Variants in LPP observed in about 807,000 individuals in gnomAD.
LPP encodes the protein lipoma-preferred partner.
Under a neutral mutation model 60.4 loss-of-function variants are expected in LPP, and 38 were observed. The ratio of observed to expected loss-of-function variants is 0.63; its 90% CI spans 0.49 to 0.83. The LOEUF is 0.83. Ranked by LOEUF, LPP falls within the 40% of genes least tolerant of loss-of-function variation. LPP has a pLI of 0.00. For missense variants in LPP, 902 were observed against 783.6 expected (o/e 1.15, Z -1.80); for synonymous variants, 328 against 290.8 (o/e 1.13, Z -1.30).
intron 3 of LPP, among the ~76,000 whole-genome samples, chr3:188,382,998 AG>A (rs1194648544): frequency 5.3e-5 from 8 of 152,212 alleles, no homozygotes; most frequent in African/African-American, 1.9e-4. Flanking sequence ...CTCATAGAAA[AG>A]TAAGGCCGAG....
intron 4 of LPP, among the ~76,000 whole-genome samples, chr3:188,418,176 A>G (rs553983267): frequency 6.6e-6 from 1 of 152,312 alleles, no homozygotes; most frequent in Admixed American, 6.5e-5. Context: ...TGTGATTCAG[A>G]GACCCAAGGT....
At chr3:188,186,793 C>G (rs1353404507) in intron 1 of LPP, among the ~76,000 whole-genome samples, 1 of 141,900 alleles carries the variant, frequency 7.0e-6, no homozygotes, top group Non-Finnish European at 1.5e-5. Flanking sequence ...TAATATGCTT[C>G]TGTCTCATGC....
At chr3:188,189,326 G>A (rs547201676) in intron 1 of LPP, among the ~76,000 whole-genome samples, 6 of 152,258 alleles carry the variant, frequency 3.9e-5, no homozygotes, top group African/African-American at 1.4e-4. Flanking sequence ...GAGCTCAAGT[G>A]AGCCTCCTAC....
chr3:188,655,101 A>G (rs1439600638), intron 7 of LPP, among the ~76,000 whole-genome samples: 1 of 152,232 alleles, frequency 6.6e-6, no homozygotes, highest in Non-Finnish European at 1.5e-5. Context: ...AGAAGATACA[A>G]AATGAACTGT....
At chr3:188,226,795 A>G (rs1409890529) in intron 2 of LPP, among the ~76,000 whole-genome samples, 1 of 152,230 alleles carries the variant, frequency 6.6e-6, no homozygotes, top group Non-Finnish European at 1.5e-5. Flanking sequence ...TTCATTTAAA[A>G]GTGTGACTGA....
chr3:188,655,194 T>TTGAACATGG (rs1408739581), intron 7 of LPP, among the ~76,000 whole-genome samples: 3 of 152,192 alleles, frequency 2.0e-5, no homozygotes, highest in Non-Finnish European at 4.4e-5. Flanking sequence ...TTCCATGTTC[T>TTGAACATGG]AGTCACTTGA....
intron 6 of LPP, among the ~76,000 whole-genome samples, chr3:188,596,541 A>G (rs957976324): frequency 1.3e-5 from 2 of 152,130 alleles, no homozygotes; most frequent in Non-Finnish European, 2.9e-5. Flanking sequence ...TATACAATCT[A>G]CAGTGTAACT....
intron 9 of LPP, among the ~76,000 whole-genome samples, chr3:188,839,082 T>C (rs1759251081): frequency 6.6e-6 from 1 of 152,170 alleles, no homozygotes; most frequent in Non-Finnish European, 1.5e-5. Flanking sequence ...CAGTGCTATC[T>C]TTCACACTTC....
At chr3:188,189,277 A>G (rs1295456654) in intron 1 of LPP, among the ~76,000 whole-genome samples, 1 of 152,130 alleles carries the variant, frequency 6.6e-6, no homozygotes, top group Non-Finnish European at 1.5e-5. Flanking sequence ...TAATAGTGAC[A>G]GGGTTTCACC....
chr3:188,771,549 C>CAAAAAAAAAAAA (rs66712771), intron 9 of LPP, among the ~76,000 whole-genome samples: 11 of 108,906 alleles, frequency 1.0e-4, no homozygotes, highest in Non-Finnish European at 1.2e-4. Flanking sequence ...GACTCCATCT[C>CAAAAAAAAAAAA]AAAAAAAAAA....
chr3:188,170,963 G>A (rs944895508), intron 1 of LPP, among the ~76,000 whole-genome samples: 11 of 152,036 alleles, frequency 7.2e-5, no homozygotes, highest in Non-Finnish European at 1.3e-4. Flanking sequence ...GAGATTTCAC[G>A]TAACAGTGAA....
intron 1 of LPP, among the ~76,000 whole-genome samples, chr3:188,157,571 C>G (rs1464623573): frequency 6.6e-6 from 1 of 151,938 alleles, no homozygotes; most frequent in Non-Finnish European, 1.5e-5. Flanking sequence ...GCAGGTAAAA[C>G]CCGGGGTTGG....
At chr3:188,250,322 C>A (rs968887747) in intron 2 of LPP, among the ~76,000 whole-genome samples, 1 of 152,116 alleles carries the variant, frequency 6.6e-6, no homozygotes, top group African/African-American at 2.4e-5. Flanking sequence ...TGTTTTGATT[C>A]AATTATGCAT....
At chr3:188,483,492 C>G (rs1805406134) in intron 4 of LPP, among the ~76,000 whole-genome samples, 1 of 152,122 alleles carries the variant, frequency 6.6e-6, no homozygotes, top group Admixed American at 6.5e-5. Flanking sequence ...TCCAACACAT[C>G]AAAAACATTA....
intron 9 of LPP, among the ~76,000 whole-genome samples, chr3:188,862,592 A>G (rs1289229914): frequency 1.3e-5 from 2 of 151,688 alleles, no homozygotes; most frequent in Admixed American, 6.6e-5. Flanking sequence ...CCATGGGACC[A>G]CGATGGAGCT....
In LPP at chr3:188,270,518, C is replaced by T. The variant is rs142735394; in HGVS notation, c.-67+44991C>T. ...TCATCGGTTTTCCAGTAAAGACAAACAGCTCAGAAGCCAGATTACATTCAT... is the reference window on the plus strand; with the variant it reads ...TCATCGGTTTTCCAGTAAAGACAAATAGCTCAGAAGCCAGATTACATTCAT... On this transcript the variant is annotated intron_variant, in intron 2 of 11. Transcript: ENST00000617246. Among the ~76,000 whole-genome samples, 276 of 152,270 alleles carry T rather than the reference C, an allele frequency of 1.8e-3. 3 individuals are homozygous for T. The highest frequency in any genetic ancestry group is 3.2e-3 in the Non-Finnish European group (215 of 68,026).
intron 4 of LPP, among the ~76,000 whole-genome samples, chr3:188,439,723 G>C (rs933201303): frequency 5.3e-5 from 8 of 152,164 alleles, no homozygotes; most frequent in Admixed American, 4.6e-4. Flanking sequence ...CTGTGTAGTA[G>C]ATACCATCAT....
chr3:188,807,546 G>A (rs140440881), intron 9 of LPP, among the ~76,000 whole-genome samples: 2 of 151,906 alleles, frequency 1.3e-5, no homozygotes, highest in South Asian at 4.1e-4. Flanking sequence ...TTGATGCTCT[G>A]TTCTCTTACT....
chr3:188,307,190 A>T (rs1040216426), intron 2 of LPP, among the ~76,000 whole-genome samples: 1 of 152,216 alleles, frequency 6.6e-6, no homozygotes, highest in East Asian at 1.9e-4. Flanking sequence ...TTGAGGCTCA[A>T]GGAAATGAAG....
Sources: allele counts gnomAD v4.1 joint callset (sites outside exome capture counted in the v4.1 genomes callset), GRCh38; gene constraint gnomAD v4.1.1; transcripts MANE v1.5; gene names NCBI Gene and HGNC (gene_info 2026-07-23, HGNC 2026-07-21).